SLC4A3: variants seen among roughly 807,000 people sequenced by gnomAD.
SLC4A3 encodes the protein solute carrier family 4 member 3.
Under a neutral mutation model 114.2 loss-of-function variants are expected in SLC4A3, and 47 were observed. The ratio of observed to expected loss-of-function variants is 0.41; its 90% CI spans 0.33 to 0.52. The LOEUF (loss-of-function observed/expected upper bound fraction) is 0.52, where lower values mean the gene tolerates loss of function less well. SLC4A3 is among the 20% of genes least tolerant of loss of function. The pLI is 0.21. For missense variants in SLC4A3, 1,312 were observed against 1,668.3 expected (o/e 0.79, Z 3.72); for synonymous variants, 693 against 710.3 (o/e 0.98, Z 0.39).
rs1699314252 is a variant in SLC4A3 at position 219,641,175 on chromosome 2, CA to C, written c.3621+214del. ...CTGTTGGGAGGGTCAAGTGCTAGTC[CA>C]GGTAAAGGCCTTAGGATGGTGGTTT... On this transcript the variant is annotated intron_variant, in intron 22 of 22. Transcript: ENST00000358055. This position sits in a 1 kb window ranked among gnomAD's most constrained non-coding sequence, Gnocchi z 4.0. Among the ~76,000 whole-genome samples the C allele has an allele frequency of 6.6e-6, 1 of 152,074 alleles. No individual in the cohort carries two copies. The highest frequency in any genetic ancestry group is 2.4e-5 in the African/African-American group (1 of 41,394).
Position 219,641,526 on chromosome 2 carries a change from G to A in SLC4A3, c.3622-125G>A, listed in dbSNP as rs1699325891. 2.7e-6 allele frequency: 2 copies of A among 746,276 alleles called. No individual in the cohort carries two copies. Among genetic ancestry groups the A allele is most frequent in the Admixed American group, 2.1e-5 (1 of 48,042 alleles). The allele number at this position is 746,276 out of a possible 1,614,324, so 46.2% of individuals were successfully genotyped here. On this transcript the variant is annotated intron_variant, in intron 22 of 22. Transcript: ENST00000358055. This position sits in a 1 kb window ranked among gnomAD's most constrained non-coding sequence, Gnocchi z 4.0. ...GGCAGTGCTGCCACCCAGGGTCATG[G>A]TACTTGCAGAGAGGCCCAGGAAAGG...
At position 219,639,404 on chromosome 2, in the gene SLC4A3, G is replaced by A. The variant is rs536857113; in HGVS notation, c.3024-78G>A. 2.4e-5 allele frequency: 37 copies of A among 1,525,510 alleles called. No individual in the cohort carries two copies. Among genetic ancestry groups the A allele is most frequent in the East Asian group, 1.4e-4 (6 of 44,070 alleles). The allele number at this position is 1,525,510 out of a possible 1,614,324, so 94.5% of individuals were successfully genotyped here. A position where few individuals can be genotyped will look rare whatever the true frequency, so the allele number is the denominator to read the frequency against. On this transcript the variant is annotated intron_variant, in intron 19 of 22. Coordinates refer to ENST00000358055, the MANE Select transcript of SLC4A3 (RefSeq NM_005070.4). The surrounding 1 kb of genome is among the most constrained non-coding windows in gnomAD (Gnocchi z 5.9). ...CTGCACGTCCTCCCCCCACCATCTC[G>A]TCTCTGTGTGCGTGCCTGTCTTTGT...
Position 219,632,867 on chromosome 2 carries a change from C to T in SLC4A3, c.1142-7C>T, listed in dbSNP as rs1283000591. On this transcript the variant is annotated splice_region_variant and splice_polypyrimidine_tract_variant and intron_variant, in intron 8 of 22. Coordinates refer to ENST00000358055, the MANE Select transcript of SLC4A3 (RefSeq NM_005070.4). ...TGTGCCCTCTCTGTGCCTGACTGTC[C>T]CCCTAGGAGCTGCCCTCCTGGACCT... 1.9e-6 allele frequency: 3 copies of T among 1,613,948 alleles called. No homozygotes were observed. Among genetic ancestry groups the T allele is most frequent in the Non-Finnish European group, 2.5e-6 (3 of 1,179,934 alleles).
At position 219,633,289 on chromosome 2, in the gene SLC4A3, C is replaced by G. The variant is rs1197844064; in HGVS notation, c.1293C>G (p.Asp431Glu). ...LLLKHSHPNDDKDSGFFPRNP... is the reference protein window; with the variant it reads ...LLLKHSHPNDEKDSGFFPRNP... ...CCCCTTCCAGCCATCCCAACGATGA[C>G]AAGGACAGTGGCTTCTTTCCCCGAA... is the stretch of plus-strand genomic sequence containing the variant. Residue 431 changes from aspartate (D) to glutamate (E), a missense_variant, in exon 10 of 23, where the codon GAC (aspartate) becomes GAG (glutamate). Asp to Glu is a conservative substitution (Grantham distance 45). Around this residue, in one of 4 missense-constraint regions of SLC4A3, gnomAD observed 771 missense variants for 977.7 expected, o/e 0.79. Coordinates refer to ENST00000358055, the MANE Select transcript of SLC4A3 (RefSeq NM_005070.4). 6.4e-7 allele frequency: 1 copy of G among 1,566,926 alleles called. No homozygotes were observed. The highest frequency in any genetic ancestry group is 8.7e-7 in the Non-Finnish European group (1 of 1,154,164).
rs1698902805 is a variant in SLC4A3 at position 219,631,097 on chromosome 2, G to T, written c.811+745G>T. On this transcript the variant is annotated intron_variant, in intron 6 of 22. Transcript: ENST00000358055. The surrounding 1 kb of genome is among the most constrained non-coding windows in gnomAD (Gnocchi z 6.3). The stretch of plus-strand genomic sequence containing the variant: ...GCTGGATGCCGCAGGGAGCAGGCTT[G>T]TGGACTTGGGGAGTTGGGGTCGGGA... 1.7e-6 allele frequency: 2 copies of T among 1,152,518 alleles called. No individual in the cohort carries two copies. The allele number at this position is 1,152,518 out of a possible 1,614,324, so 71.4% of individuals were successfully genotyped here. A position where few individuals can be genotyped will look rare whatever the true frequency, so the allele number is the denominator to read the frequency against.
Position 219,635,425 on chromosome 2 carries a change from G to A in SLC4A3, c.1901G>A (p.Arg634Lys), listed in dbSNP as rs1453012361. 6.2e-7 allele frequency: 1 copy of A among 1,614,158 alleles called. No individual in the cohort carries two copies. Among genetic ancestry groups the A allele is most frequent in the Non-Finnish European group, 8.5e-7 (1 of 1,180,020 alleles). Residue 634 changes from arginine (R) to lysine (K), a missense_variant, in exon 13 of 23, where the codon AGG becomes AAG. Arg to Lys is a conservative substitution (Grantham distance 26). Coordinates refer to ENST00000358055, the MANE Select transcript of SLC4A3 (RefSeq NM_005070.4). Reference sequence around the variant, plus strand: ...GCTGCTTTCCAGCGAGAGCTGCTTAGGAAGCGGCGAGAGCGTGAACAGACC... The same window carrying A: ...GCTGCTTTCCAGCGAGAGCTGCTTAAGAAGCGGCGAGAGCGTGAACAGACC... ...SVAAFQRELL[R>K]KRREREQTKV... is the part of the protein sequence containing the mutation.
At position 219,630,155 on chromosome 2, in the gene SLC4A3, C is replaced by T. The variant is rs1205841218; in HGVS notation, c.614C>T (p.Ser205Phe). Residue 205 changes from serine to phenylalanine, a missense_variant and splice_region_variant, in exon 6 of 23, where the codon TCC becomes TTC. Ser to Phe is a radical substitution (Grantham distance 155). This residue lies in a region of SLC4A3 where 771 missense variants were observed against 977.7 expected (regional missense o/e 0.79). Transcript: ENST00000358055. The surrounding 1 kb of genome is among the most constrained non-coding windows in gnomAD (Gnocchi z 6.9). ...TDKSPQHSSSSPSPRARASRL... is the reference protein window; with the variant it reads ...TDKSPQHSSSFPSPRARASRL... ...AGGCTGCTGTGTTGCCTCCCCAGCTCCCCCAGCCCCCGGGCCCGGGCCTCC... is the reference window on the plus strand; with the variant it reads ...AGGCTGCTGTGTTGCCTCCCCAGCTTCCCCAGCCCCCGGGCCCGGGCCTCC... 2 of 1,609,532 alleles carry T rather than the reference C, an allele frequency of 1.2e-6. No individual in the cohort carries two copies. Among genetic ancestry groups the T allele is most frequent in the Non-Finnish European group, 1.7e-6 (2 of 1,176,816 alleles).
chr2:219,637,437 G>A lies in SLC4A3; in HGVS notation c.2536-144G>A, dbSNP rs1699163292. On this transcript the variant is annotated intron_variant, in intron 16 of 22. Transcript: ENST00000358055. The surrounding 1 kb of genome is among the most constrained non-coding windows in gnomAD (Gnocchi z 4.6). ...GTTCTGTGTGTTCTGTGTGTTGTGT[G>A]TGTGGTGCAGCTGGATGTCCGTGCA... The A allele has an allele frequency of 1.7e-6, 1 of 597,350 alleles. No homozygotes were observed. Among genetic ancestry groups the A allele is most frequent in the Non-Finnish European group, 3.0e-6 (1 of 331,112 alleles). The allele number at this position is 597,350 out of a possible 1,614,324, so 37.0% of individuals were successfully genotyped here. A position where few individuals can be genotyped will look rare whatever the true frequency, so the allele number is the denominator to read the frequency against.
At position 219,636,897 on chromosome 2, in the gene SLC4A3, G is replaced by T; in HGVS notation, c.2535+23G>T. On this transcript the variant is annotated intron_variant, in intron 16 of 22. Transcript: ENST00000358055. This position sits in a 1 kb window ranked among gnomAD's most constrained non-coding sequence, Gnocchi z 5.5. ...AAGGTGGAGGTCCAGCGAGGTCTTG[G>T]GGGTGGCAGAGATGGAGGTGGACAT... 6.3e-7 allele frequency: 1 copy of T among 1,598,886 alleles called. No homozygotes were observed. The highest frequency in any genetic ancestry group is 1.3e-5 in the African/African-American group (1 of 74,774).
chr2:219,636,354 T>C lies in SLC4A3; in HGVS notation c.2244T>C (p.Ala748=), dbSNP rs374152992. Residue 748 remains alanine, a synonymous_variant, in exon 15 of 23, where the codon GCT becomes GCC. Coordinates refer to ENST00000358055, the MANE Select transcript of SLC4A3 (RefSeq NM_005070.4). The surrounding 1 kb of genome is among the most constrained non-coding windows in gnomAD (Gnocchi z 5.5). ...TGTCCGAGCTGATCGTGTCCACCGCTGTGCTCGGCGTCCTCTTCTCTCTGC... is the reference window on the plus strand; with the variant it reads ...TGTCCGAGCTGATCGTGTCCACCGCCGTGCTCGGCGTCCTCTTCTCTCTGC... ...MGVSELIVST[A]VLGVLFSLLG... 7.4e-6 allele frequency: 12 copies of C among 1,613,724 alleles called. No homozygotes were observed. The highest frequency in any genetic ancestry group is 9.3e-6 in the Non-Finnish European group (11 of 1,179,928).
In SLC4A3 at chr2:219,631,000, G is replaced by C. The variant is rs1469414276; in HGVS notation, c.811+648G>C. 3.7e-6 allele frequency: 2 copies of C among 547,818 alleles called. No homozygotes were observed. The highest frequency in any genetic ancestry group is 4.9e-6 in the Non-Finnish European group (2 of 409,208). 33.9% of individuals were successfully genotyped at this position (547,818 alleles called of 1,614,324 possible). ...TGCCAGGGCCTGAGGACAGGGACAG[G>C]AACAATCCGATGGCAGCAGTAGCAG... On this transcript the variant is annotated intron_variant, in intron 6 of 22. Coordinates refer to ENST00000358055, the MANE Select transcript of SLC4A3 (RefSeq NM_005070.4). This position sits in a 1 kb window ranked among gnomAD's most constrained non-coding sequence, Gnocchi z 6.9.
In SLC4A3 at chr2:219,627,900, G is replaced by C; in HGVS notation, c.-93G>C. The C allele has an allele frequency of 3.8e-6, 4 of 1,047,508 alleles. No homozygotes were observed. The allele number at this position is 1,047,508 out of a possible 1,614,324, so 64.9% of individuals were successfully genotyped here. A position where few individuals can be genotyped will look rare whatever the true frequency, so the allele number is the denominator to read the frequency against. On this transcript the variant is annotated splice_region_variant and 5_prime_UTR_variant, in exon 2 of 23. Transcript: ENST00000358055. ...ACCTGACCCCGCCCTCCTCCCCCAGGGCTCCCCGCTAGGCCCCCTCAGTGG... is the reference window on the plus strand; with the variant it reads ...ACCTGACCCCGCCCTCCTCCCCCAGCGCTCCCCGCTAGGCCCCCTCAGTGG...
chr2:219,635,362 C>G lies in SLC4A3; in HGVS notation c.1838C>G (p.Pro613Arg). 1 of 1,614,158 alleles carries G rather than the reference C, an allele frequency of 6.2e-7. No individual in the cohort carries two copies. Among genetic ancestry groups the G allele is most frequent in the Non-Finnish European group, 8.5e-7 (1 of 1,180,012 alleles). Residue 613 changes from proline to arginine, a missense_variant, in exon 13 of 23, where the codon CCG becomes CGG. Transcript: ENST00000358055. The stretch of plus-strand genomic sequence containing the variant: ...CTGGATGGCAGCATTGTGATCCCCC[C>G]GTCCGAGGTGGAGGGCCGTGACCTG... ...EFLDGSIVIP[P>R]SEVEGRDLLR... is the part of the protein sequence containing the mutation.
Position 219,627,939 on chromosome 2 carries a change from C to T in SLC4A3, c.-54C>T. 2 of 1,534,820 alleles carry T rather than the reference C, an allele frequency of 1.3e-6. No individual in the cohort carries two copies. The highest frequency in any genetic ancestry group is 1.8e-6 in the Non-Finnish European group (2 of 1,120,406). ...CCCCCTCAGTGGCCCCTCCTTCTCA[C>T]CTGGGTCTCGGGTCCCCTAGTGAGC... On this transcript the variant is annotated 5_prime_UTR_variant, in exon 2 of 23. Transcript: ENST00000358055.
At chr2:219,633,234 G>C (rs377632418) in intron 9 of SLC4A3, 40 bp from the exon 10 acceptor site, 1 of 1,525,546 alleles carries the variant, frequency 6.6e-7, no homozygotes, top group Admixed American at 2.0e-5. Context: ...AGTCTACCAT[G>C]AGCCTCTCCT....
At position 219,628,553 on chromosome 2, in the gene SLC4A3, G is replaced by A. The variant is rs750702521; in HGVS notation, c.200G>A (p.Ser67Asn). Residue 67 changes from serine (S) to asparagine (N), a missense_variant, in exon 3 of 23, where the codon AGC (serine) becomes AAC (asparagine). Physicochemically the swap from Ser to Asn is conservative, Grantham distance 46 (BLOSUM62 1). This residue lies in a region of SLC4A3 where 236 missense variants were observed against 212.1 expected (regional missense o/e 1.11). Coordinates refer to ENST00000358055, the MANE Select transcript of SLC4A3 (RefSeq NM_005070.4). The surrounding 1 kb of genome is among the most constrained non-coding windows in gnomAD (Gnocchi z 4.8). Reference sequence around the variant, plus strand: ...CCCGAGAAGCCCAGCCGCAGCTACAGCGAGCGGGACTTTGAGTGTGGGTAG... The same window carrying A: ...CCCGAGAAGCCCAGCCGCAGCTACAACGAGCGGGACTTTGAGTGTGGGTAG... ...WDPEKPSRSY[S>N]ERDFEFHRHT... The A allele has an allele frequency of 6.2e-7, 1 of 1,613,106 alleles. No individual in the cohort carries two copies. Among genetic ancestry groups the A allele is most frequent in the African/African-American group, 1.3e-5 (1 of 74,850 alleles).
rs1419732593 is a variant in SLC4A3, at chr2:219,640,916, G to A, written c.3575G>A (p.Arg1192Lys). The change falls in exon 22 of 23, where the codon AGG becomes AAG. Residue 1192 changes from arginine to lysine, a missense_variant. Transcript: ENST00000358055. ...PFLLLLTVPL[R>K]HCLLPRLFQD... is the part of the protein sequence containing the mutation. ...CTGCTGCTGCTCACGGTGCCTCTGA[G>A]GCATTGCCTTCTGCCCCGGCTCTTC... is the stretch of plus-strand genomic sequence containing the variant. 1 of 1,610,068 alleles carries A rather than the reference G, an allele frequency of 6.2e-7. No individual in the cohort carries two copies. Among genetic ancestry groups the A allele is most frequent in the Non-Finnish European group, 8.5e-7 (1 of 1,180,034 alleles).
Position 219,641,680 on chromosome 2 carries a change from C to A in SLC4A3, c.3651C>A (p.Phe1217Leu). 6.2e-7 allele frequency: 1 copy of A among 1,614,132 alleles called. No homozygotes were observed. Among genetic ancestry groups the A allele is most frequent in the Non-Finnish European group, 8.5e-7 (1 of 1,179,992 alleles). The change falls in exon 23 of 23, where the codon TTC (phenylalanine) becomes TTA (leucine). Residue 1217 changes from phenylalanine to leucine, a missense_variant. Around this residue, in one of 4 missense-constraint regions of SLC4A3, gnomAD observed 301 missense variants for 460.7 expected, o/e 0.65. Coordinates refer to ENST00000358055, the MANE Select transcript of SLC4A3 (RefSeq NM_005070.4). The surrounding 1 kb of genome is among the most constrained non-coding windows in gnomAD (Gnocchi z 4.0). ...ACTCGGAAGATGCTGAACCAAACTT[C>A]GATGAGGATGGCCAGGATGAGTACA... The part of the protein sequence containing the change: ...ALDSEDAEPN[F>L]DEDGQDEYNE...
intron 11 of SLC4A3, 22 bp downstream of exon 11, chr2:219,634,001 G>A (rs1392885564): frequency 7.2e-6 from 11 of 1,535,758 alleles, no homozygotes; most frequent in Non-Finnish European, 9.7e-6. Context: ...CGGGCGCCGG[G>A]GGCAGGGTCT....
Sources: gnomAD v4.1 joint callset for allele counts (sites outside exome capture counted in the v4.1 genomes callset) on GRCh38, gnomAD v4.1.1 for gene constraint, gnomAD v4.1.1 regional missense constraint, Gnocchi (gnomAD v3.1) non-coding constraint, MANE v1.5 for transcripts, NCBI Gene and HGNC (gene_info 2026-07-23, HGNC 2026-07-21) for gene names.